Variants in ADRA1D observed in about 807,000 individuals in gnomAD.
ADRA1D encodes the protein adrenoceptor alpha 1D.
ADRA1D carries 22 observed loss-of-function variants against 18.6 expected under a neutral mutation model. The observed-to-expected ratio is 1.19, with a 90% CI of 0.85 to 1.69. The LOEUF (loss-of-function observed/expected upper bound fraction) is 1.69, where lower values mean the gene tolerates loss of function less well. Among genes scored for constraint, ADRA1D ranks in the 40% most tolerant of loss-of-function variants. The pLI, the probability that ADRA1D is intolerant of heterozygous loss-of-function variation, is 0.00. For missense variants in ADRA1D, 840 were observed against 840.7 expected (o/e 1.00, Z 0.01); for synonymous variants, 376 against 388.2 (o/e 0.97, Z 0.37).
chr20:4,221,529 A>G lies in ADRA1D; in HGVS notation c.1713T>C (p.Asp571=), dbSNP rs780161836. The change falls in exon 2 of 2, where the codon GAT becomes GAC. Residue 571 remains aspartate (D), a synonymous_variant. Coordinates refer to ENST00000379453, the MANE Select transcript of ADRA1D (RefSeq NM_000678.4). ...CGGCCTAGCTCTGGGGTCCTTAAAT[A>G]TCGGTCTCCCGTAGGTTGCTGTAGT... ...LADYSNLRET[D]I is the part of the protein sequence containing the mutation. 1.5e-5 allele frequency: 24 copies of G among 1,601,366 alleles called. No homozygotes were observed. The South Asian group carries it at 1.5e-4, about 10-fold the overall frequency.
intron 1 of ADRA1D, among the ~76,000 whole-genome samples, chr20:4,243,468 G>C (rs922044470): frequency 1.3e-5 from 2 of 152,194 alleles, no homozygotes; most frequent in African/African-American, 4.8e-5. Context: ...ACCTGGCATG[G>C]GCGGGGCTGC....
In ADRA1D at chr20:4,221,867, C is replaced by CG. The variant is rs1980677638; in HGVS notation, c.1374dup (p.Gly459ArgfsTer130). The CG allele has an allele frequency of 2.1e-6, 3 of 1,424,246 alleles. No homozygotes were observed. Among genetic ancestry groups the CG allele is most frequent in the African/African-American group, 1.5e-5 (1 of 65,860 alleles). The allele number at this position is 1,424,246 out of a possible 1,614,324, so 88.2% of individuals were successfully genotyped here. On this transcript the variant is annotated frameshift_variant, in exon 2 of 2. Transcript: ENST00000379453. LOFTEE classifies it low-confidence loss of function (END_TRUNC). ...AGCGCGGTGAGGGCCAGCGGCGCTC[C>CG]GGGGGGCGCGTCGCCCGAACTCGGG...
chr20:4,248,802 G>A lies in ADRA1D; in HGVS notation c.156C>T (p.Gly52=). The A allele has an allele frequency of 8.8e-7, 1 of 1,132,260 alleles. No individual in the cohort carries two copies. The highest frequency in any genetic ancestry group is 1.1e-6 in the Non-Finnish European group (1 of 925,844). 70.1% of individuals were successfully genotyped at this position (1,132,260 alleles called of 1,614,324 possible). Reference sequence around the variant, plus strand: ...TGCCTGCGCCCACCACGCCGCCGCCGCCGCCCGCGCCCCCCGGCACGCCGC... The same window carrying A: ...TGCCTGCGCCCACCACGCCGCCGCCACCGCCCGCGCCCCCCGGCACGCCGC... ...AVGGVPGGAG[G]GGGVVGAGSG... is the part of the protein sequence containing the mutation. The change falls in exon 1 of 2, where the codon GGC becomes GGT. Residue 52 remains glycine, a synonymous_variant. Coordinates refer to ENST00000379453, the MANE Select transcript of ADRA1D (RefSeq NM_000678.4).
chr20:4,221,711 G>A lies in ADRA1D; in HGVS notation c.1531C>T (p.Arg511Cys). The change falls in exon 2 of 2, where the codon CGC becomes TGC. Residue 511 changes from arginine (R) to cysteine (C), a missense_variant. Coordinates refer to ENST00000379453, the MANE Select transcript of ADRA1D (RefSeq NM_000678.4). The part of the protein sequence containing the change: ...GPFRRPTTQL[R>C]AKVSSLSHKI... ...TGCGACAGGCTGGAGACTTTGGCGCGCAGCTGGGTCGTGGGTCTCCGGAAC... is the reference window on the plus strand; with the variant it reads ...TGCGACAGGCTGGAGACTTTGGCGCACAGCTGGGTCGTGGGTCTCCGGAAC... 6.2e-7 allele frequency: 1 copy of A among 1,609,670 alleles called. No individual in the cohort carries two copies.
intron 1 of ADRA1D, among the ~76,000 whole-genome samples, chr20:4,231,038 TTTTCTTTCTTTCTTTC>T (rs3030143): frequency 4.6e-5 from 5 of 108,620 alleles, no homozygotes; most frequent in African/African-American, 1.5e-4. Flanking sequence ...CTTTCTTTCT[TTTTCTTTCTTTCTTTC>T]TTTCTTTCTT....
Position 4,221,162 on chromosome 20 carries a change from A to G in ADRA1D, c.*361T>C, listed in dbSNP as rs775062476. The G allele has an allele frequency of 2.2e-5, 4 of 181,540 alleles. No homozygotes were observed. The highest frequency in any genetic ancestry group is 2.3e-5 in the Non-Finnish European group (2 of 88,206). The allele number at this position is 181,540 out of a possible 1,614,324, so 11.2% of individuals were successfully genotyped here. ...AAAGCTTCTGTGCCTATTTCCCAGA[A>G]GAGGAGGGGCAGGCCTTCCTGGCCA... is the stretch of plus-strand genomic sequence containing the variant. On this transcript the variant is annotated 3_prime_UTR_variant, in exon 2 of 2. Coordinates refer to ENST00000379453, the MANE Select transcript of ADRA1D (RefSeq NM_000678.4).
At chr20:4,234,024 G>C (rs989453299) in intron 1 of ADRA1D, among the ~76,000 whole-genome samples, 2 of 152,336 alleles carry the variant, frequency 1.3e-5, no homozygotes, top group East Asian at 3.9e-4. Context: ...GGGGGACTGG[G>C]CATCCTCTGG....
In ADRA1D at chr20:4,249,106, C is replaced by A; in HGVS notation, c.-149G>T. 1.6e-6 allele frequency: 1 copy of A among 634,312 alleles called. No homozygotes were observed. The highest frequency in any genetic ancestry group is 2.0e-6 in the Non-Finnish European group (1 of 491,598). The allele number at this position is 634,312 out of a possible 1,614,324, so 39.3% of individuals were successfully genotyped here. A position where few individuals can be genotyped will look rare whatever the true frequency, so the allele number is the denominator to read the frequency against. On this transcript the variant is annotated 5_prime_UTR_variant, in exon 1 of 2. Coordinates refer to ENST00000379453, the MANE Select transcript of ADRA1D (RefSeq NM_000678.4). The stretch of plus-strand genomic sequence containing the variant: ...GCCCAAGTTCCTGTGACGCGGAGCG[C>A]GGCTGTCCGAGAGCGGAGCTGCCTG...
At chr20:4,226,530 C>T (rs891933582) in intron 1 of ADRA1D, among the ~76,000 whole-genome samples, 7 of 152,226 alleles carry the variant, frequency 4.6e-5, no homozygotes, top group Non-Finnish European at 8.8e-5. Flanking sequence ...AGTGTTCTCA[C>T]ACCAGTAGAG....
chr20:4,237,118 G>C (rs1981110638), intron 1 of ADRA1D, among the ~76,000 whole-genome samples: 1 of 152,104 alleles, frequency 6.6e-6, no homozygotes. Context: ...AGGGGAGAGG[G>C]GTCTCCGAGG....
At chr20:4,234,103 C>G (rs1404616532) in intron 1 of ADRA1D, among the ~76,000 whole-genome samples, 1 of 152,224 alleles carries the variant, frequency 6.6e-6, no homozygotes, top group African/African-American at 2.4e-5. Flanking sequence ...CTGGGCCAGC[C>G]TGGCCCACAT....
Position 4,224,903 on chromosome 20 carries a change from C to T in ADRA1D, c.1112-2773G>A, listed in dbSNP as rs889415216. Among the ~76,000 whole-genome samples, 4 of 151,782 alleles carry T rather than the reference C, an allele frequency of 2.6e-5. No individual in the cohort carries two copies. The South Asian group carries it at 8.3e-4, about 32-fold the overall frequency. ...CAGTTTCTGGTGCTAAGAGACACCG[C>T]AGGGGAAGAGGAGGGTCCCATAGCA... On this transcript the variant is annotated intron_variant, in intron 1 of 1. Coordinates refer to ENST00000379453, the MANE Select transcript of ADRA1D (RefSeq NM_000678.4).
intron 1 of ADRA1D, among the ~76,000 whole-genome samples, chr20:4,231,351 TC>T (rs1237734976): frequency 2.0e-5 from 3 of 151,878 alleles, no homozygotes; most frequent in African/African-American, 7.2e-5. Context: ...ACCCCTGGCC[TC>T]AAATGATCCT....
Position 4,221,361 on chromosome 20 carries a change from C to T in ADRA1D, c.*162G>A. On this transcript the variant is annotated 3_prime_UTR_variant, in exon 2 of 2. Coordinates refer to ENST00000379453, the MANE Select transcript of ADRA1D (RefSeq NM_000678.4). Reference sequence around the variant, plus strand: ...ACTACTTTTCACCTTTCAAGGGCTCCAGCCTCAAGCTCTGCCCAGTTCCTC... The same window carrying T: ...ACTACTTTTCACCTTTCAAGGGCTCTAGCCTCAAGCTCTGCCCAGTTCCTC... 1 of 765,704 alleles carries T rather than the reference C, an allele frequency of 1.3e-6. No individual in the cohort carries two copies. The highest frequency in any genetic ancestry group is 2.0e-6 in the Non-Finnish European group (1 of 502,752). 47.4% of individuals were successfully genotyped at this position (765,704 alleles called of 1,614,324 possible).
chr20:4,227,733 TCCTTCCTTCCTTC>T (rs1980849494), intron 1 of ADRA1D, among the ~76,000 whole-genome samples: 2 of 132,718 alleles, frequency 1.5e-5, no homozygotes, highest in Non-Finnish European at 3.2e-5. Flanking sequence ...CTTCCTTCCT[TCCTTCCTTCCTTC>T]CTTCTTCTCT....
chr20:4,238,519 G>A (rs1204437300), intron 1 of ADRA1D, among the ~76,000 whole-genome samples: 2 of 152,126 alleles, frequency 1.3e-5, no homozygotes, highest in African/African-American at 4.8e-5. Context: ...GAAAGAGTAA[G>A]GCTCCTTAGA....
chr20:4,240,735 G>A (rs4815672), intron 1 of ADRA1D, among the ~76,000 whole-genome samples: 121,656 of 152,034 alleles, frequency 0.8, 48,788 homozygotes, highest in Non-Finnish European at 0.83. Context: ...TGGAGGTTGC[G>A]GTAAGCTGAG....
At chr20:4,233,174 T>C (rs901118660) in intron 1 of ADRA1D, among the ~76,000 whole-genome samples, 1 of 152,030 alleles carries the variant, frequency 6.6e-6, no homozygotes, top group Non-Finnish European at 1.5e-5. Flanking sequence ...AAAAAAATCA[T>C]CCAGGCTGGG....
rs540676450 is a variant in ADRA1D at position 4,222,787 on chromosome 20, A to G, written c.1112-657T>C. Among the ~76,000 whole-genome samples the G allele has an allele frequency of 2.0e-5, 3 of 152,318 alleles. No individual in the cohort carries two copies. The East Asian group carries it at 5.8e-4, about 29-fold the overall frequency. On this transcript the variant is annotated intron_variant, in intron 1 of 1. Coordinates refer to ENST00000379453, the MANE Select transcript of ADRA1D (RefSeq NM_000678.4). This position sits in a 1 kb window ranked among gnomAD's most constrained non-coding sequence, Gnocchi z 4.3. ...GAGCAAGTTCAATAAAATTTTGTAC[A>G]TATGGAACCCGCGCTACCTATATAT...
Sources: gnomAD v4.1 joint callset for allele counts (sites outside exome capture counted in the v4.1 genomes callset) on GRCh38, gnomAD v4.1.1 for gene constraint, Gnocchi (gnomAD v3.1) non-coding constraint, MANE v1.5 for transcripts, NCBI Gene and HGNC (gene_info 2026-07-23, HGNC 2026-07-21) for gene names.